Variants in DMD observed in about 807,000 individuals in gnomAD.
DMD encodes mutant dystrophin.
A neutral mutation model predicts 330.1 loss-of-function variants in DMD; 63 were observed. That is an observed-to-expected ratio of 0.19 (90% CI 0.16 to 0.24). The LOEUF (loss-of-function observed/expected upper bound fraction) is 0.24. DMD is among the 10% of genes least tolerant of loss of function. The pLI is 1.00. For synonymous variants in DMD, 1,223 were observed against 959.8 expected, an observed-to-expected ratio of 1.27 and a Z score of -5.07; for missense variants, 3,344 against 2,684.1, an observed-to-expected ratio of 1.25 and a Z score of -5.43.
chrX:32,082,131 T>A (rs916952238), intron 44 of DMD, among the ~76,000 whole-genome samples: 1 of 111,670 alleles, frequency 9.0e-6, no homozygotes, highest in Admixed American at 9.5e-5. Flanking sequence ...TGAGCAGGCA[T>A]CTAGGCCATC....
At chrX:31,298,748 G>A (rs985917627) in intron 62 of DMD, among the ~76,000 whole-genome samples, 7 of 112,017 alleles carry the variant, frequency 6.2e-5, no homozygotes, top group Non-Finnish European at 1.3e-4. Flanking sequence ...ATGAGTAAAT[G>A]CTGCTCAGCA....
At chrX:31,675,907 A>G (rs895040285) in intron 53 of DMD, among the ~76,000 whole-genome samples, 6 of 112,731 alleles carry the variant, frequency 5.3e-5, no homozygotes, top group Non-Finnish European at 1.1e-4. Flanking sequence ...AATAAAGATT[A>G]GCAATTATGA....
intron 7 of DMD, among the ~76,000 whole-genome samples, chrX:32,806,005 C>A (rs2076919290): frequency 8.9e-6 from 1 of 111,793 alleles, no homozygotes; most frequent in Non-Finnish European, 1.9e-5. Flanking sequence ...ACCATCGACA[C>A]CATGAAGAAA....
intron 45 of DMD, among the ~76,000 whole-genome samples, chrX:31,957,315 C>T (rs1373132813): frequency 2.7e-5 from 3 of 112,063 alleles, no homozygotes; most frequent in Non-Finnish European, 5.6e-5. Flanking sequence ...CAGCTATGAA[C>T]TCTGACAAGT....
intron 43 of DMD, among the ~76,000 whole-genome samples, chrX:32,281,062 T>C (rs1479060621): frequency 2.7e-5 from 3 of 112,187 alleles, no homozygotes; most frequent in African/African-American, 9.7e-5. Flanking sequence ...GTAGCACAAA[T>C]GGCAGCCAGA....
intron 1 of DMD, among the ~76,000 whole-genome samples, chrX:33,174,786 A>C (rs1259058925): frequency 8.9e-6 from 1 of 112,368 alleles, no homozygotes; most frequent in Non-Finnish European, 1.9e-5. Context: ...AGAATGCCTT[A>C]TCATGAAATT....
chrX:33,079,024 C>T (rs2094886034), intron 1 of DMD, among the ~76,000 whole-genome samples: 1 of 106,594 alleles, frequency 9.4e-6, no homozygotes, highest in African/African-American at 3.3e-5. Flanking sequence ...CATTTTACAG[C>T]TGGTATTAAA....
chrX:33,305,777 T>C (rs2148943330), intron 1 of DMD, among the ~76,000 whole-genome samples: 1 of 111,199 alleles, frequency 9.0e-6, no homozygotes, highest in East Asian at 2.9e-4. Flanking sequence ...TTATAGAGCA[T>C]TACGTTTTCC....
rs778098376 is a variant in DMD, at chrX:32,727,054, T to G, written c.650-27761A>C. 1.3e-3 allele frequency among the ~76,000 whole-genome samples: 141 copies of G among 111,013 alleles called. 2 individuals carry two copies. The highest frequency in any genetic ancestry group is 4.3e-3 in the African/African-American group (133 of 30,701). ...CCTCTAGGTTGAAGTAAAATCAATG[T>G]GTGAATGTTACAAAGATACTGATGC... On this transcript the variant is annotated intron_variant, in intron 7 of 78. Coordinates refer to ENST00000357033, the MANE Select transcript of DMD (RefSeq NM_004006.3).
chrX:33,271,742 G>T (rs2053159403), intron 1 of DMD, among the ~76,000 whole-genome samples: 1 of 100,468 alleles, frequency 1.0e-5, no homozygotes, highest in African/African-American at 3.7e-5. Context: ...CTCCAGCCTG[G>T]GCGACAAAGC....
intron 2 of DMD, among the ~76,000 whole-genome samples, chrX:32,906,964 T>C (rs992229420): frequency 8.9e-6 from 1 of 112,307 alleles, no homozygotes; most frequent in African/African-American, 3.2e-5. Context: ...TTATTTTACA[T>C]ACATGTAGAT....
chrX:31,885,693 A>C (rs1390368705), intron 47 of DMD, among the ~76,000 whole-genome samples: 3 of 109,653 alleles, frequency 2.7e-5, no homozygotes, highest in South Asian at 3.9e-4. Flanking sequence ...GCTTTTCAAT[A>C]GTTATTTGTG....
In DMD at chrX:32,698,964, G is replaced by GAC. The variant is rs2063866968; in HGVS notation, c.831+147_831+148insGT. ...AAGCAAAATTGAAAAGGTTTAGTCT[G>GAC]TCTCTTTTTGTACATATACATACAT... On this transcript the variant is annotated intron_variant, in intron 8 of 78. Transcript: ENST00000357033. 5.2e-5 allele frequency: 18 copies of GAC among 349,288 alleles called. No individual in the cohort carries two copies. In the South Asian group the frequency reaches 6.5e-4, roughly 13 times the overall value. 28.8% of individuals were successfully genotyped at this position (349,288 alleles called of 1,213,427 possible).
At chrX:32,930,183 T>C (rs944873342) in intron 2 of DMD, among the ~76,000 whole-genome samples, 2 of 111,150 alleles carry the variant, frequency 1.8e-5, no homozygotes, top group Non-Finnish European at 3.8e-5. Context: ...GAATATTTCA[T>C]GTAATTTATT....
intron 55 of DMD, among the ~76,000 whole-genome samples, chrX:31,622,861 T>TAC (rs1238545301): frequency 2.9e-5 from 2 of 68,039 alleles, no homozygotes; most frequent in Admixed American, 4.2e-4. Flanking sequence ...TATATATATA[T>TAC]ATATATATAT....
At chrX:31,405,974 G>C (rs1239149216) in intron 60 of DMD, among the ~76,000 whole-genome samples, 1 of 111,921 alleles carries the variant, frequency 8.9e-6, no homozygotes, top group Non-Finnish European at 1.9e-5. Context: ...GCTAGACGTT[G>C]TCACAAATTA....
rs954779903 is a variant in DMD at position 32,866,203 on chromosome X, G to T, written c.94-16383C>A. On this transcript the variant is annotated intron_variant, in intron 2 of 78. Transcript: ENST00000357033. Reference sequence around the variant, plus strand: ...AGACTAGCAGACAGCCAGACATTTCGCAGAGCTGAGCTGAGATCAGCAAAG... The same window carrying T: ...AGACTAGCAGACAGCCAGACATTTCTCAGAGCTGAGCTGAGATCAGCAAAG... Among the ~76,000 whole-genome samples the T allele has an allele frequency of 8.0e-5, 9 of 111,906 alleles. 1 individual carries two copies. The highest frequency in any genetic ancestry group is 2.9e-4 in the African/African-American group (9 of 30,816).
At chrX:32,148,157 G>A (rs1051250446) in intron 44 of DMD, among the ~76,000 whole-genome samples, 7 of 110,840 alleles carry the variant, frequency 6.3e-5, no homozygotes, top group East Asian at 2.8e-4. Flanking sequence ...GATTACAGGC[G>A]TGAGCCACCG....
At chrX:31,716,334 C>G (rs1376262047) in intron 52 of DMD, among the ~76,000 whole-genome samples, 4 of 112,060 alleles carry the variant, frequency 3.6e-5, no homozygotes, top group African/African-American at 1.3e-4. Context: ...GGTGGATCAC[C>G]TGAGGTTGGG....
Sources: allele counts gnomAD v4.1 joint callset (sites outside exome capture counted in the v4.1 genomes callset), GRCh38; gene constraint gnomAD v4.1.1; transcripts MANE v1.5; gene names NCBI Gene and HGNC (gene_info 2026-07-23, HGNC 2026-07-21).